Variants in LRRC4B observed in about 807,000 individuals in gnomAD.
LRRC4B encodes leucine-rich repeat-containing protein 4B.
Under a neutral mutation model 7.3 loss-of-function variants are expected in LRRC4B, and 1 was observed. The ratio of observed to expected loss-of-function variants is 0.14; its 90% CI spans 0.05 to 0.65. The LOEUF (loss-of-function observed/expected upper bound fraction) is 0.65, where lower values mean the gene tolerates loss of function less well. Among genes scored for constraint, LRRC4B ranks in the 30% least tolerant of loss-of-function variants. The pLI, the probability that LRRC4B is intolerant of heterozygous loss-of-function variation, is 0.84. For missense variants in LRRC4B, 730 were observed against 1,041.6 expected (o/e 0.70, Z 4.12); for synonymous variants, 500 against 499.2 (o/e 1.00, Z -0.02).
Position 50,556,539 on chromosome 19 carries a change from C to T in LRRC4B, c.-35-7666G>A, listed in dbSNP as rs764276673. ...TCTTCTTTGAGCTCCCCCTACCGTC[C>T]GTATCCCTTGCACTTCCTTTTCTTC... On this transcript the variant is annotated intron_variant, in intron 1 of 2. Transcript: ENST00000652263. The surrounding 1 kb of genome is among the most constrained non-coding windows in gnomAD (Gnocchi z 4.2). Among the ~76,000 whole-genome samples, 2 of 152,168 alleles carry T rather than the reference C, an allele frequency of 1.3e-5. No individual in the cohort carries two copies. Among genetic ancestry groups the T allele is most frequent in the African/African-American group, 2.4e-5 (1 of 41,436 alleles).
At chr19:50,558,200 T>TACACACACACACACACAC (rs71182737) in intron 1 of LRRC4B, among the ~76,000 whole-genome samples, 1 of 147,592 alleles carries the variant, frequency 6.8e-6, no homozygotes, top group Non-Finnish European at 1.5e-5. Flanking sequence ...ACTGTATACA[T>TACACACACACACACACAC]ACACACACAC....
intron 2 of LRRC4B, among the ~76,000 whole-genome samples, chr19:50,542,060 G>A (rs1411837180): frequency 6.6e-6 from 1 of 152,214 alleles, no homozygotes; most frequent in African/African-American, 2.4e-5. Flanking sequence ...TTAAGAATAC[G>A]TGTACGCAAA....
At position 50,567,505 on chromosome 19, in the gene LRRC4B, G is replaced by A. The variant is rs112841351; in HGVS notation, c.-36+439C>T. Reference sequence around the variant, plus strand: ...CCTCTCCCCCCTCCCCATCACTGGCGTGCCCCCCCCACCCCAAGCAGCAGC... The same window carrying A: ...CCTCTCCCCCCTCCCCATCACTGGCATGCCCCCCCCACCCCAAGCAGCAGC... On this transcript the variant is annotated intron_variant, in intron 1 of 2. Transcript: ENST00000652263. Among the ~76,000 whole-genome samples the A allele has an allele frequency of 3.7e-4, 56 of 151,122 alleles. 1 individual carries two copies. Among genetic ancestry groups the A allele is most frequent in the African/African-American group, 1.3e-3 (55 of 41,158 alleles).
At chr19:50,567,147 A>G (rs1453919203) in intron 1 of LRRC4B, among the ~76,000 whole-genome samples, 1 of 109,136 alleles carries the variant, frequency 9.2e-6, no homozygotes, top group Non-Finnish European at 1.9e-5. Flanking sequence ...GGGGGTCTCC[A>G]GGAGGAGAGG....
At chr19:50,562,820 A>G (rs535986592) in intron 1 of LRRC4B, among the ~76,000 whole-genome samples, 1 of 148,344 alleles carries the variant, frequency 6.7e-6, no homozygotes, top group Non-Finnish European at 1.5e-5. Context: ...GGCTCACTGC[A>G]ACCTCTGCCT....
intron 2 of LRRC4B, among the ~76,000 whole-genome samples, chr19:50,535,088 T>A (rs1981217197): frequency 6.6e-6 from 1 of 152,150 alleles, no homozygotes; most frequent in Admixed American, 6.6e-5. Flanking sequence ...CAGGATGGTC[T>A]CGATCTCCTG....
chr19:50,537,780 C>T lies in LRRC4B; in HGVS notation c.297+10762G>A, dbSNP rs1473863265. Among the ~76,000 whole-genome samples the T allele has an allele frequency of 1.3e-5, 2 of 152,110 alleles. No individual in the cohort carries two copies. Among genetic ancestry groups the T allele is most frequent in the Non-Finnish European group, 2.9e-5 (2 of 68,016 alleles). ...TTTGAAAAGGGTAGAAACTGAGGCT[C>T]GGAGTGGTGACAAGGATTATGTGGG... On this transcript the variant is annotated intron_variant, in intron 2 of 2. Transcript: ENST00000652263. The surrounding 1 kb of genome is among the most constrained non-coding windows in gnomAD (Gnocchi z 5.5).
At chr19:50,532,424 T>A (rs2122829089) in intron 2 of LRRC4B, among the ~76,000 whole-genome samples, 1 of 152,216 alleles carries the variant, frequency 6.6e-6, no homozygotes, top group South Asian at 2.1e-4. Flanking sequence ...CAGAGGCCCT[T>A]CAGAACCTGC....
chr19:50,546,432 G>A (rs1981810338), intron 2 of LRRC4B, among the ~76,000 whole-genome samples: 1 of 152,164 alleles, frequency 6.6e-6, no homozygotes, highest in South Asian at 2.1e-4. Flanking sequence ...ACTGAGGGAG[G>A]CCAAGCCCAC....
intron 2 of LRRC4B, among the ~76,000 whole-genome samples, chr19:50,528,779 G>T (rs1980928805): frequency 2.0e-5 from 3 of 152,190 alleles, no homozygotes; most frequent in Admixed American, 2.0e-4. Context: ...GGGAGCTGGT[G>T]GGGGCTCAGC....
Position 50,518,702 on chromosome 19 carries a change from G to C in LRRC4B, c.1011C>G (p.Cys337Trp), listed in dbSNP as rs750530905. The C allele has an allele frequency of 6.2e-7, 1 of 1,613,756 alleles. No individual in the cohort carries two copies. The highest frequency in any genetic ancestry group is 8.5e-7 in the Non-Finnish European group (1 of 1,179,948). ...GGCCGGCGGGCGCATGACAGCGGGC[G>C]CAGCACGTCGTGTTGCTGGGCACCG... is the stretch of plus-strand genomic sequence containing the variant. ...KETVPSNTTC[C>W]ARCHAPAGLK... is the part of the protein sequence containing the mutation. The change falls in exon 3 of 3, where the codon TGC becomes TGG. Residue 337 changes from cysteine to tryptophan, a missense_variant. This residue lies in a region of LRRC4B where 226 missense variants were observed against 448.0 expected (regional missense o/e 0.50). Coordinates refer to ENST00000652263, the MANE Select transcript of LRRC4B (RefSeq NM_001080457.2).
At chr19:50,551,225 G>A (rs1001737171) in intron 1 of LRRC4B, among the ~76,000 whole-genome samples, 6 of 151,210 alleles carry the variant, frequency 4.0e-5, no homozygotes, top group East Asian at 2.0e-4. Flanking sequence ...CTCTCCCTGC[G>A]CCCAGGCCCC....
At chr19:50,560,435 G>T (rs1198516873) in intron 1 of LRRC4B, among the ~76,000 whole-genome samples, 1 of 152,208 alleles carries the variant, frequency 6.6e-6, no homozygotes, top group Non-Finnish European at 1.5e-5. Context: ...TCACCCCTCA[G>T]GACCTCGGTC....
intron 2 of LRRC4B, among the ~76,000 whole-genome samples, chr19:50,547,604 G>T (rs1239822634): frequency 6.7e-6 from 1 of 149,982 alleles, no homozygotes; most frequent in Non-Finnish European, 1.5e-5. Flanking sequence ...GGGAATCACT[G>T]GCAATGCCTG....
intron 2 of LRRC4B, among the ~76,000 whole-genome samples, chr19:50,542,904 G>A (rs1981612880): frequency 6.6e-6 from 1 of 152,104 alleles, no homozygotes; most frequent in African/African-American, 2.4e-5. Flanking sequence ...CCAGAGAGAG[G>A]CCAGCACCGT....
chr19:50,522,347 C>G (rs528354929), intron 2 of LRRC4B, among the ~76,000 whole-genome samples: 1 of 152,218 alleles, frequency 6.6e-6, no homozygotes, highest in Admixed American at 6.6e-5. Flanking sequence ...TTATTCGATA[C>G]CTGCAATTCC....
Position 50,548,681 on chromosome 19 carries a change from G to A in LRRC4B, c.158C>T (p.Pro53Leu), listed in dbSNP as rs768237438. The change falls in exon 2 of 3, where the codon CCG becomes CTG. Residue 53 changes from proline to leucine, a missense_variant. Pro to Leu is a moderately conservative substitution (Grantham distance 98). This residue lies in a region of LRRC4B where 143 missense variants were observed against 158.4 expected (regional missense o/e 0.90). Transcript: ENST00000652263. This position sits in a 1 kb window ranked among gnomAD's most constrained non-coding sequence, Gnocchi z 6.8. Reference sequence around the variant, plus strand: ...GCAGGCCACGGGGCAGGAGGTGGCCGGCGGGGAGCCCCCTCCGGCGGCAGA... The same window carrying A: ...GCAGGCCACGGGGCAGGAGGTGGCCAGCGGGGAGCCCCCTCCGGCGGCAGA... ...VTSAAGGGSP[P>L]ATSCPVACSC... 1.3e-4 allele frequency: 203 copies of A among 1,553,490 alleles called. No homozygotes were observed. Among genetic ancestry groups the A allele is most frequent in the African/African-American group, 1.4e-4 (10 of 73,782 alleles).
In LRRC4B at chr19:50,548,848, T is replaced by C; in HGVS notation, c.-10A>G. The C allele has an allele frequency of 7.5e-7, 1 of 1,326,598 alleles. No homozygotes were observed. 82.2% of individuals were successfully genotyped at this position (1,326,598 alleles called of 1,614,324 possible). On this transcript the variant is annotated 5_prime_UTR_variant, in exon 2 of 3. An upstream open reading frame in the 5' UTR loses its in-frame stop. Transcript: ENST00000652263. This position sits in a 1 kb window ranked among gnomAD's most constrained non-coding sequence, Gnocchi z 6.8. ...CGCGGGCACGCGCCATCCTCAATGT[T>C]CATGCTCCGCGTGGACGCTGGGGGG...
chr19:50,543,255 C>T (rs1568728240), intron 2 of LRRC4B, among the ~76,000 whole-genome samples: 1 of 152,036 alleles, frequency 6.6e-6, no homozygotes, highest in Non-Finnish European at 1.5e-5. Flanking sequence ...CAGATGACAA[C>T]CAAGGCGGCA....
Sources: gnomAD v4.1 joint callset for allele counts (sites outside exome capture counted in the v4.1 genomes callset) on GRCh38, gnomAD v4.1.1 for gene constraint, gnomAD v4.1.1 regional missense constraint, Gnocchi (gnomAD v3.1) non-coding constraint, MANE v1.5 for transcripts, NCBI Gene and HGNC (gene_info 2026-07-23, HGNC 2026-07-21) for gene names.